Variants in PIWIL2 observed in about 807,000 individuals in gnomAD.
PIWIL2 encodes piwi like RNA-mediated gene silencing 2, also known as piwi-like protein 2.
A neutral mutation model predicts 116.5 loss-of-function variants in PIWIL2; 81 were observed. The ratio of observed to expected loss-of-function variants is 0.70; its 90% CI spans 0.58 to 0.84. PIWIL2 has a LOEUF of 0.84. Among genes scored for constraint, PIWIL2 ranks in the 40% least tolerant of loss-of-function variants. The probability of loss-of-function intolerance (pLI) is 0.00; values close to 1 mark genes in which losing one functional copy is unlikely to be tolerated. For missense variants in PIWIL2, 1,272 were observed against 1,212.3 expected, an observed-to-expected ratio of 1.05 and a Z score of -0.73; for synonymous variants, 489 against 429.5, an observed-to-expected ratio of 1.14 and a Z score of -1.71.
At chr8:22,277,491 C>A (rs1830404183) in intron 1 of PIWIL2, among the ~76,000 whole-genome samples, 2 of 152,162 alleles carry the variant, frequency 1.3e-5, no homozygotes, top group Admixed American at 1.3e-4. Flanking sequence ...ACTCTGGAGA[C>A]TTCTGATGGA....
intron 10 of PIWIL2, among the ~76,000 whole-genome samples, chr8:22,290,975 T>TATATATATATATATATATA (rs947701007): frequency 1.0e-4 from 15 of 149,382 alleles, no homozygotes; most frequent in Admixed American, 4.1e-4. Flanking sequence ...TGTATATATA[T>TATATATATATATATATATA]TTTTTTTAAT....
chr8:22,346,049 T>C (rs2132103880), intron 20 of PIWIL2, among the ~76,000 whole-genome samples: 1 of 152,186 alleles, frequency 6.6e-6, no homozygotes, highest in African/African-American at 2.4e-5. Flanking sequence ...AAAAACCATT[T>C]AATTGTATAG....
chr8:22,322,474 C>T (rs1563400836), intron 20 of PIWIL2, among the ~76,000 whole-genome samples: 1 of 151,952 alleles, frequency 6.6e-6, no homozygotes, highest in Non-Finnish European at 1.5e-5. Context: ...TGGTCTCAAA[C>T]TGAGGCTGAT....
At chr8:22,355,103 A>AC (rs1832460465) in intron 22 of PIWIL2, among the ~76,000 whole-genome samples, 1 of 149,710 alleles carries the variant, frequency 6.7e-6, no homozygotes, top group African/African-American at 2.5e-5. Context: ...AACAACAACA[A>AC]AAAAAAAACA....
At chr8:22,346,588 A>G (rs952198185) in intron 20 of PIWIL2, among the ~76,000 whole-genome samples, 1 of 152,144 alleles carries the variant, frequency 6.6e-6, no homozygotes, top group Non-Finnish European at 1.5e-5. Context: ...CTGTATTTAG[A>G]TTTGTAGCTC....
chr8:22,284,049 T>C, intron 5 of PIWIL2, 113 bp from the exon 6 acceptor site: 1 of 573,806 alleles, frequency 1.7e-6, no homozygotes, highest in Non-Finnish European at 3.0e-6. Flanking sequence ...TGTAGCAAAA[T>C]GTGAAAAAAT....
Position 22,305,944 on chromosome 8 carries a change from C to T in PIWIL2, c.1473C>T (p.Ile491=). Residue 491 remains isoleucine, a synonymous_variant, in exon 13 of 23, where the codon ATC becomes ATT. Transcript: ENST00000356766. The part of the protein sequence containing the change: ...DNHGMLLKGE[I]LLLPELSFMT... ...CTTCAAAGCTGCTAAAAGGGGAAAT[C>T]CTGCTGCTGCCTGAGCTTTCTTTTA... 2 of 1,613,866 alleles carry T rather than the reference C, an allele frequency of 1.2e-6. No homozygotes were observed. Among genetic ancestry groups the T allele is most frequent in the Non-Finnish European group, 1.7e-6 (2 of 1,179,744 alleles).
intron 10 of PIWIL2, among the ~76,000 whole-genome samples, chr8:22,298,874 G>A (rs530576140): frequency 1.5e-4 from 23 of 152,334 alleles, no homozygotes; most frequent in Middle Eastern, 3.4e-3. Context: ...GCCCTGAGAG[G>A]TATGCGTATT....
intron 10 of PIWIL2, among the ~76,000 whole-genome samples, chr8:22,302,060 T>C (rs140228190): frequency 6.6e-6 from 1 of 152,182 alleles, no homozygotes; most frequent in African/African-American, 2.4e-5. Context: ...TTCTCATTTC[T>C]CTTGTGCTTT....
At chr8:22,349,417 G>GTATATATATATATATATATATATATA (rs1431825878) in intron 20 of PIWIL2, among the ~76,000 whole-genome samples, 1 of 134,596 alleles carries the variant, frequency 7.4e-6, no homozygotes, top group Non-Finnish European at 1.6e-5. Flanking sequence ...ATATGTGTGT[G>GTATATATATATATATATATATATATA]TGTATATATA....
In PIWIL2 at chr8:22,308,051, G is replaced by A. The variant is rs772112294; in HGVS notation, c.1664G>A (p.Arg555His). 40 of 1,613,810 alleles carry A rather than the reference G, an allele frequency of 2.5e-5. No individual in the cohort carries two copies. The highest frequency in any genetic ancestry group is 4.5e-5 in the East Asian group (2 of 44,894). Residue 555 changes from arginine (R) to histidine (H), a missense_variant, in exon 14 of 23, where the codon CGT (arginine) becomes CAT (histidine). Physicochemically the swap from Arg to His is conservative, Grantham distance 29. Coordinates refer to ENST00000356766, the MANE Select transcript of PIWIL2 (RefSeq NM_018068.5). ...ATNELMRWGLRLQKDVHKIEG... is the reference protein window; with the variant it reads ...ATNELMRWGLHLQKDVHKIEG... ...AATGAACTGATGCGTTGGGGGCTCCGTCTGCAAAAGGATGTACATAAGGTA... is the reference window on the plus strand; with the variant it reads ...AATGAACTGATGCGTTGGGGGCTCCATCTGCAAAAGGATGTACATAAGGTA...
intron 18 of PIWIL2, among the ~76,000 whole-genome samples, chr8:22,315,799 A>G (rs1459853565): frequency 6.6e-6 from 1 of 152,194 alleles, no homozygotes; most frequent in Non-Finnish European, 1.5e-5. Flanking sequence ...ATAAAGGTCA[A>G]GTATGCTTTT....
rs375780152 is a variant in PIWIL2, at chr8:22,355,452, A to G, written c.2869A>G (p.Ile957Val). 2.4e-5 allele frequency: 38 copies of G among 1,614,062 alleles called. No individual in the cohort carries two copies. Among genetic ancestry groups the G allele is most frequent in the Non-Finnish European group, 2.7e-5 (32 of 1,180,020 alleles). The change falls in exon 23 of 23, where the codon ATC (isoleucine) becomes GTC (valine). Residue 957 changes from isoleucine to valine, a missense_variant. Physicochemically the swap from Ile to Val is conservative, Grantham distance 29 (BLOSUM62 3). Coordinates refer to ENST00000356766, the MANE Select transcript of PIWIL2 (RefSeq NM_018068.5). ...AHKLAFLSGH[I>V]LHHEPAIQLC... is the part of the protein sequence containing the mutation. ...CAAGCTAGCTTTCCTGTCAGGACAC[A>G]TCTTGCATCATGAACCAGCCATCCA...
chr8:22,295,913 A>G (rs938840288), intron 10 of PIWIL2, among the ~76,000 whole-genome samples: 4 of 151,776 alleles, frequency 2.6e-5, no homozygotes, highest in Admixed American at 2.0e-4. Context: ...TTCCTACTGA[A>G]TTCAATACCA....
intron 12 of PIWIL2, among the ~76,000 whole-genome samples, chr8:22,305,599 G>A (rs7834182): frequency 0.43 from 65,996 of 151,940 alleles, 16,042 homozygotes; most frequent in East Asian, 0.81. Context: ...GTGAGACTGA[G>A]GCACACTGCT....
At chr8:22,299,539 C>T (rs988882111) in intron 10 of PIWIL2, among the ~76,000 whole-genome samples, 43 of 152,174 alleles carry the variant, frequency 2.8e-4, no homozygotes, top group African/African-American at 1.0e-3. Context: ...TTTGAAATAC[C>T]ACCTTATTCT....
chr8:22,276,904 T>TAA (rs11287267), intron 1 of PIWIL2, among the ~76,000 whole-genome samples: 1 of 149,018 alleles, frequency 6.7e-6, no homozygotes, highest in Non-Finnish European at 1.5e-5. Context: ...CCCTGTCTCT[T>TAA]AAAAAAAAAA....
At chr8:22,348,034 C>T (rs1238515865) in intron 20 of PIWIL2, among the ~76,000 whole-genome samples, 3 of 152,110 alleles carry the variant, frequency 2.0e-5, no homozygotes, top group African/African-American at 2.4e-5. Flanking sequence ...CAGTGGCCCA[C>T]GCCTGTAATC....
chr8:22,322,867 A>T (rs1831633879), intron 20 of PIWIL2, among the ~76,000 whole-genome samples: 1 of 152,092 alleles, frequency 6.6e-6, no homozygotes, highest in South Asian at 2.1e-4. Context: ...GAATTATCTC[A>T]GGTTGTGATT....
Sources: gnomAD v4.1 joint callset for allele counts (sites outside exome capture counted in the v4.1 genomes callset) on GRCh38, gnomAD v4.1.1 for gene constraint, MANE v1.5 for transcripts, NCBI Gene and HGNC (gene_info 2026-07-23, HGNC 2026-07-21) for gene names.